Variants in DIP2A observed in about 807,000 individuals in gnomAD.
The protein encoded by DIP2A is disco-interacting protein 2 homolog A.
In DIP2A, 85 loss-of-function variants were observed where a neutral mutation model predicts 177.4. That is an observed-to-expected ratio of 0.48 (90% CI 0.40 to 0.57). The LOEUF (loss-of-function observed/expected upper bound fraction) is 0.57, where lower values mean the gene tolerates loss of function less well. DIP2A is among the 20% of genes least tolerant of loss of function. The pLI, the probability that DIP2A is intolerant of heterozygous loss-of-function variation, is 0.00. For missense variants in DIP2A, 1,791 were observed against 2,100.2 expected (o/e 0.85, Z 2.88); for synonymous variants, 886 against 881.8 (o/e 1.00, Z -0.08).
At chr21:46,580,639 G>C in the DIP2A span, among the ~76,000 whole-genome samples, 1 of 152,136 alleles carries the variant, frequency 6.6e-6, no homozygotes, top group Non-Finnish European at 1.5e-5. Flanking sequence ...AGGCAGGCCT[G>C]GTAGTGATGA....
At chr21:46,481,424 T>G (rs969016430) in intron 1 of DIP2A, among the ~76,000 whole-genome samples, 1 of 152,332 alleles carries the variant, frequency 6.6e-6, no homozygotes, top group Non-Finnish European at 1.5e-5. Flanking sequence ...TAAACAATTG[T>G]GTACAGGTTT....
intron 13 of DIP2A, among the ~76,000 whole-genome samples, chr21:46,535,001 T>G (rs2059504907): frequency 6.6e-6 from 1 of 152,228 alleles, no homozygotes; most frequent in South Asian, 2.1e-4. Flanking sequence ...GATTGATTTA[T>G]ACACAGTGCT....
At chr21:46,500,640 T>C (rs1212884732) in intron 5 of DIP2A, among the ~76,000 whole-genome samples, 1 of 152,204 alleles carries the variant, frequency 6.6e-6, no homozygotes, top group Non-Finnish European at 1.5e-5. Flanking sequence ...CATTGCTGAG[T>C]CATCTCAACA....
chr21:46,473,809 C>A (rs2055609876), intron 1 of DIP2A, among the ~76,000 whole-genome samples: 1 of 152,190 alleles, frequency 6.6e-6, no homozygotes, highest in Non-Finnish European at 1.5e-5. Context: ...AACCACTGCG[C>A]CTGGCCAGGT....
In DIP2A at chr21:46,556,626, T is replaced by C; in HGVS notation, c.3499-313T>C. 1 of 371,132 alleles carries C rather than the reference T, an allele frequency of 2.7e-6. No individual in the cohort carries two copies. The highest frequency in any genetic ancestry group is 2.2e-5 in the South Asian group (1 of 44,524). 23.0% of individuals were successfully genotyped at this position (371,132 alleles called of 1,614,324 possible). The stretch of plus-strand genomic sequence containing the variant: ...TGAACCCGGGAGGCAGAGGTTGCAG[T>C]GAGCCGAGATTGTGCCATTGCACTC... On this transcript the variant is annotated intron_variant, in intron 29 of 37. Coordinates refer to ENST00000417564, the MANE Select transcript of DIP2A (RefSeq NM_015151.4). This position sits in a 1 kb window ranked among gnomAD's most constrained non-coding sequence, Gnocchi z 4.5.
At chr21:46,488,256 A>G (rs1400921259) in intron 2 of DIP2A, among the ~76,000 whole-genome samples, 1 of 152,212 alleles carries the variant, frequency 6.6e-6, no homozygotes, top group African/African-American at 2.4e-5. Flanking sequence ...CAGAATAATT[A>G]AAGTTCTAAA....
chr21:46,528,809 TG>T (rs2059234916), intron 8 of DIP2A, among the ~76,000 whole-genome samples: 1 of 152,056 alleles, frequency 6.6e-6, no homozygotes, highest in Non-Finnish European at 1.5e-5. Flanking sequence ...ATTACAGGTG[TG>T]AGTCACTGCA....
rs2059439923 is a variant in DIP2A, at chr21:46,533,649, T to G, written c.1429+2T>G. On this transcript the variant is annotated splice_donor_variant, in intron 11 of 37. Coordinates refer to ENST00000417564, the MANE Select transcript of DIP2A (RefSeq NM_015151.4). LOFTEE classifies it high-confidence loss of function. The stretch of plus-strand genomic sequence containing the variant: ...CAGGAGAGGTGGCAGCTTTCAAAGG[T>G]GAGGCCTCCCAAGGGAAGGGGAGTC... The G allele has an allele frequency of 1.2e-6, 2 of 1,613,916 alleles. No individual in the cohort carries two copies. The highest frequency in any genetic ancestry group is 1.7e-6 in the Non-Finnish European group (2 of 1,179,854).
At chr21:46,532,315 C>T (rs1388508069) in intron 10 of DIP2A, 78 bp downstream of exon 10, 4 of 1,191,042 alleles carry the variant, frequency 3.4e-6, no homozygotes, top group East Asian at 2.5e-5. Context: ...CCTTTTCACT[C>T]ATGTGGGCAG....
intron 8 of DIP2A, among the ~76,000 whole-genome samples, chr21:46,524,768 G>GC: frequency 6.6e-6 from 1 of 151,700 alleles, no homozygotes; most frequent in East Asian, 1.9e-4. Context: ...GTAATACCTT[G>GC]CGAGAGTTCT....
At chr21:46,547,656 CTTT>C (rs10672432) in intron 21 of DIP2A, among the ~76,000 whole-genome samples, 4,033 of 76,322 alleles carry the variant, frequency 0.053, 111 homozygotes, top group Non-Finnish European at 0.072. Flanking sequence ...AAGGGGGTGC[CTTT>C]TTTTTTTTTT....
intron 16 of DIP2A, 69 bp downstream of exon 16, chr21:46,538,671 A>G (rs2059674480): frequency 6.6e-7 from 1 of 1,514,222 alleles, no homozygotes; most frequent in South Asian, 1.2e-5. Flanking sequence ...AGTAGAATAC[A>G]CTGAGAAGCA....
chr21:46,494,548 G>C (rs1163911861), intron 3 of DIP2A, among the ~76,000 whole-genome samples: 1 of 152,154 alleles, frequency 6.6e-6, no homozygotes, highest in Non-Finnish European at 1.5e-5. Flanking sequence ...TCACTCAAAG[G>C]CCAGAATATT....
At chr21:46,540,029 T>C in intron 17 of DIP2A, 38 bp downstream of exon 17, 1 of 1,529,912 alleles carries the variant, frequency 6.5e-7, no homozygotes, top group South Asian at 1.1e-5. Context: ...GAGCACTTAG[T>C]TGAATCTTCT....
chr21:46,558,642 G>A (rs1161005933), intron 32 of DIP2A: 1 of 537,090 alleles, frequency 1.9e-6, no homozygotes, highest in East Asian at 3.3e-5. Context: ...ATAACTGTAA[G>A]ACTCTCTAAG....
chr21:46,463,834 G>A (rs2054560409), intron 1 of DIP2A, among the ~76,000 whole-genome samples: 2 of 151,716 alleles, frequency 1.3e-5, no homozygotes, highest in Admixed American at 6.6e-5. Context: ...TTAGCCTCCT[G>A]AGTAGCTGGG....
chr21:46,498,481 C>A lies in DIP2A; in HGVS notation c.404-101C>A. On this transcript the variant is annotated intron_variant, in intron 4 of 37. Coordinates refer to ENST00000417564, the MANE Select transcript of DIP2A (RefSeq NM_015151.4). This position sits in a 1 kb window ranked among gnomAD's most constrained non-coding sequence, Gnocchi z 4.3. ...CAGAGCTGTGCCAGGTGTACAGAAG[C>A]ATGCTGCACACAGGTCTGGGAGGCT... 1 of 1,385,354 alleles carries A rather than the reference C, an allele frequency of 7.2e-7. No homozygotes were observed. Among genetic ancestry groups the A allele is most frequent in the Non-Finnish European group, 9.8e-7 (1 of 1,015,732 alleles). 85.8% of individuals were successfully genotyped at this position (1,385,354 alleles called of 1,614,324 possible). A position where few individuals can be genotyped will look rare whatever the true frequency, so the allele number is the denominator to read the frequency against.
At chr21:46,499,592 A>C (rs1601530754) in intron 5 of DIP2A, among the ~76,000 whole-genome samples, 1 of 152,196 alleles carries the variant, frequency 6.6e-6, no homozygotes, top group African/African-American at 2.4e-5. Flanking sequence ...TGATGCATGG[A>C]TCTTTCCCAA....
intron 28 of DIP2A, chr21:46,555,748 C>A: frequency 1.8e-6 from 1 of 546,724 alleles, no homozygotes. Context: ...GCCTCGTCCC[C>A]CATCCCCACA....
Sources: gnomAD v4.1 joint callset for allele counts (sites outside exome capture counted in the v4.1 genomes callset) on GRCh38, gnomAD v4.1.1 for gene constraint, Gnocchi (gnomAD v3.1) non-coding constraint, MANE v1.5 for transcripts, NCBI Gene and HGNC (gene_info 2026-07-23, HGNC 2026-07-21) for gene names.